NOTCH2: variants seen among roughly 807,000 people sequenced by gnomAD.
NOTCH2 encodes neurogenic locus notch homolog protein 2.
Under a neutral mutation model 235.8 loss-of-function variants are expected in NOTCH2, and 29 were observed. That is an observed-to-expected ratio of 0.12 (90% CI 0.09 to 0.17). The LOEUF (loss-of-function observed/expected upper bound fraction) is 0.17. Ranked by LOEUF, NOTCH2 falls within the 10% of genes least tolerant of loss-of-function variation. The pLI, the probability that NOTCH2 is intolerant of heterozygous loss-of-function variation, is 1.00. For synonymous variants in NOTCH2, 1,086 were observed against 1,141.5 expected (o/e 0.95, Z 0.98); for missense variants, 2,285 against 3,150.2 (o/e 0.73, Z 6.57).
intron 13 of NOTCH2, 130 bp downstream of exon 13, chr1:119,954,910 C>T: frequency 2.3e-6 from 2 of 866,532 alleles, no homozygotes; most frequent in Admixed American, 2.0e-5. Flanking sequence ...GGCTTTGATG[C>T]AGACTACCAA....
intron 3 of NOTCH2, among the ~76,000 whole-genome samples, chr1:119,999,933 AAGAAAGAAAG>A (rs1652655607): frequency 1.0e-5 from 1 of 97,126 alleles, no homozygotes; most frequent in Non-Finnish European, 2.0e-5. Context: ...GAAAGAAAGA[AAGAAAGAAAG>A]AAAGAAAGAA....
At chr1:119,984,068 G>C (rs1651919715) in intron 5 of NOTCH2, among the ~76,000 whole-genome samples, 2 of 152,110 alleles carry the variant, frequency 1.3e-5, no homozygotes, top group African/African-American at 4.8e-5. Context: ...GAACAAAGTT[G>C]CAATAGGCTA....
chr1:119,986,882 C>A lies in NOTCH2; in HGVS notation c.874+78G>T, dbSNP rs1488949669. On this transcript the variant is annotated intron_variant, in intron 5 of 33. Coordinates refer to ENST00000256646, the MANE Select transcript of NOTCH2 (RefSeq NM_024408.4). The stretch of plus-strand genomic sequence containing the variant: ...CAGAGCAGGCCTAAGATATTTGTTA[C>A]TGATATTTTAAAAAAACAGTCTGCC... 5.0e-6 allele frequency: 8 copies of A among 1,592,756 alleles called. No homozygotes were observed. In the African/African-American group the frequency reaches 6.7e-5, roughly 13 times the overall value.
chr1:120,027,006 C>T (rs1653880347), intron 2 of NOTCH2, among the ~76,000 whole-genome samples: 1 of 133,378 alleles, frequency 7.5e-6, no homozygotes, highest in Non-Finnish European at 1.6e-5. Flanking sequence ...GGCTGGAGTG[C>T]AGTGGTGCAA....
intron 3 of NOTCH2, among the ~76,000 whole-genome samples, chr1:120,003,703 A>T (rs1439353455): frequency 1.3e-5 from 2 of 151,976 alleles, no homozygotes; most frequent in African/African-American, 2.4e-5. Context: ...AGATATGTGT[A>T]AAAAAAAATT....
chr1:120,000,763 G>A (rs1553205190), intron 3 of NOTCH2, among the ~76,000 whole-genome samples: 1 of 151,360 alleles, frequency 6.6e-6, no homozygotes, highest in African/African-American at 2.4e-5. Context: ...TGACAATCAG[G>A]AAGAAATTAT....
At chr1:119,964,015 T>C (rs1330285696) in intron 10 of NOTCH2, among the ~76,000 whole-genome samples, 1 of 152,228 alleles carries the variant, frequency 6.6e-6, no homozygotes, top group African/African-American at 2.4e-5. Context: ...CCAAATCAAA[T>C]TTTAGAATTG....
intron 14 of NOTCH2, 82 bp from the exon 15 acceptor site, chr1:119,950,919 A>G (rs1428868749): frequency 8.1e-6 from 7 of 859,734 alleles, no homozygotes; most frequent in African/African-American, 1.6e-5. Context: ...TTTAGGGGTA[A>G]AAACTGAACA....
At position 119,920,396 on chromosome 1, in the gene NOTCH2, G is replaced by T. The variant is rs754528647; in HGVS notation, c.5312C>A (p.Ala1771Asp). ...DEGPQPKKVK[A>D]EDEALLSEED... is the part of the protein sequence containing the mutation. Reference sequence around the variant, plus strand: ...TTCTGAGAGTAAGGCCTCATCTTCAGCCTGAAAGGTGAAAACAATGCTCCC... The same window carrying T: ...TTCTGAGAGTAAGGCCTCATCTTCATCCTGAAAGGTGAAAACAATGCTCCC... The change falls in exon 30 of 34, where the codon GCT (alanine) becomes GAT (aspartate). Residue 1771 changes from alanine to aspartate, a missense_variant and splice_region_variant. Ala to Asp is a moderately radical substitution (Grantham distance 126). Around this residue, in one of 6 missense-constraint regions of NOTCH2, gnomAD observed 1,173 missense variants for 1,515.3 expected, o/e 0.77. Transcript: ENST00000256646. 1.9e-6 allele frequency: 3 copies of T among 1,614,154 alleles called. No homozygotes were observed. Among genetic ancestry groups the T allele is most frequent in the African/African-American group, 1.3e-5 (1 of 75,052 alleles).
chr1:119,968,592 C>A (rs906125380), intron 6 of NOTCH2, among the ~76,000 whole-genome samples: 2 of 152,190 alleles, frequency 1.3e-5, no homozygotes, highest in African/African-American at 4.8e-5. Context: ...TTTAGATAAA[C>A]AAGAAGTAAT....
Position 119,966,411 on chromosome 1 carries a change from T to C in NOTCH2, c.1532A>G (p.Asp511Gly), listed in dbSNP as rs782621960. Residue 511 changes from aspartate (D) to glycine (G), a missense_variant, in exon 9 of 34, where the codon GAT (aspartate) becomes GGT (glycine). Asp to Gly is a moderately conservative substitution (Grantham distance 94). Transcript: ENST00000256646. ...CAGGCACTGGAAACGATTGACTTTA[T>C]CCACACACTGCCCATTGTTCACACA... Reference protein sequence around the residue: ...NPCVNNGQCVDKVNRFQCLCP... With the variant: ...NPCVNNGQCVGKVNRFQCLCP... 1 of 1,613,872 alleles carries C rather than the reference T, an allele frequency of 6.2e-7. No homozygotes were observed. Among genetic ancestry groups the C allele is most frequent in the African/African-American group, 1.3e-5 (1 of 74,900 alleles).
chr1:120,037,770 T>C (rs587741119), intron 1 of NOTCH2, among the ~76,000 whole-genome samples: 12 of 151,916 alleles, frequency 7.9e-5, no homozygotes, highest in African/African-American at 2.9e-4. Context: ...TATTATCATA[T>C]AGAAAGTGTG....
chr1:119,965,310 T>C (rs1306541339), intron 10 of NOTCH2, 143 bp downstream of exon 10: 6 of 775,980 alleles, frequency 7.7e-6, no homozygotes, highest in South Asian at 4.1e-5. Context: ...AGCAAAAAAT[T>C]TGTTAGAAAC....
At chr1:119,986,916 C>T (rs1553202283) in intron 5 of NOTCH2, 44 bp downstream of exon 5, 2 of 1,612,840 alleles carry the variant, frequency 1.2e-6, no homozygotes, top group Non-Finnish European at 1.7e-6. Flanking sequence ...CCTCTGGTTA[C>T]CAATCCATAT....
intron 4 of NOTCH2, among the ~76,000 whole-genome samples, chr1:119,987,689 CA>C (rs1199627168): frequency 1.3e-5 from 2 of 152,112 alleles, no homozygotes; most frequent in Non-Finnish European, 2.9e-5. Context: ...AGGCTAATTC[CA>C]CTTGCCTATC....
chr1:119,974,389 T>C (rs1651482594), intron 5 of NOTCH2, among the ~76,000 whole-genome samples: 2 of 152,222 alleles, frequency 1.3e-5, no homozygotes, highest in Non-Finnish European at 2.9e-5. Flanking sequence ...TTATTTCCTA[T>C]GGGCAAAAGA....
chr1:119,991,913 C>A (rs1230982663), intron 4 of NOTCH2, among the ~76,000 whole-genome samples: 1 of 134,868 alleles, frequency 7.4e-6, no homozygotes, highest in Non-Finnish European at 1.5e-5. Flanking sequence ...CCTGACCTAT[C>A]CCTATCCAAC....
At position 119,915,363 on chromosome 1, in the gene NOTCH2, C is replaced by T. The variant is rs1338378057; in HGVS notation, c.7359G>A (p.Arg2453=). 3.1e-6 allele frequency: 5 copies of T among 1,614,038 alleles called. No homozygotes were observed. In the Admixed American group the frequency reaches 5.0e-5, roughly 16 times the overall value. ...GCTCAGACATGTGTGTCCCAGGTCC[C>T]CGCTGACCTCCTCCAGCACCCCCAG... ...PTPGGAGGGQ[R]GPGTHMSEPP... Residue 2453 remains arginine, a synonymous_variant, in exon 34 of 34, where the codon CGG becomes CGA. Transcript: ENST00000256646.
Position 119,912,178 on chromosome 1 carries a change from C to T in NOTCH2, c.*3128G>A, listed in dbSNP as rs773659563. 14 of 233,282 alleles carry T rather than the reference C, an allele frequency of 6.0e-5. No individual in the cohort carries two copies. The highest frequency in any genetic ancestry group is 1.2e-4 in the Non-Finnish European group (14 of 117,920). The allele number at this position is 233,282 out of a possible 1,614,324, so 14.5% of individuals were successfully genotyped here. A position where few individuals can be genotyped will look rare whatever the true frequency, so the allele number is the denominator to read the frequency against. ...GTGCATTTTCCTTACTACGTTTAGT[C>T]AGGAATATGCGGTCATTTTATTGGT... On this transcript the variant is annotated 3_prime_UTR_variant, in exon 34 of 34. Coordinates refer to ENST00000256646, the MANE Select transcript of NOTCH2 (RefSeq NM_024408.4).
Sources: allele counts gnomAD v4.1 joint callset (sites outside exome capture counted in the v4.1 genomes callset), GRCh38; gene constraint gnomAD v4.1.1; regional missense constraint gnomAD v4.1.1; transcripts MANE v1.5; gene names NCBI Gene and HGNC (gene_info 2026-07-23, HGNC 2026-07-21).